MTIF2: variants seen among roughly 807,000 people sequenced by gnomAD.
The protein encoded by MTIF2 is mitochondrial translational initiation factor 2.
MTIF2 carries 71 observed loss-of-function variants against 83.5 expected under a neutral mutation model. The observed-to-expected ratio is 0.85, with a 90% CI of 0.70 to 1.04. The LOEUF is 1.04. Among genes scored for constraint, MTIF2 ranks in the 50% least tolerant of loss-of-function variants. The pLI is 0.00. For synonymous variants in MTIF2, 319 were observed against 287.1 expected, an observed-to-expected ratio of 1.11 and a Z score of -1.12; for missense variants, 957 against 846.5, an observed-to-expected ratio of 1.13 and a Z score of -1.62.
At chr2:55,256,990 C>T (rs1012633443) in intron 5 of MTIF2, among the ~76,000 whole-genome samples, 2 of 152,116 alleles carry the variant, frequency 1.3e-5, no homozygotes, top group African/African-American at 2.4e-5. Flanking sequence ...AGCTACTGCA[C>T]CCAAACCAAA....
In MTIF2 at chr2:55,244,075, C is replaced by A; in HGVS notation, c.1265G>T (p.Arg422Ile). ...TTCTTCTCCTGCAGAAGGAAGGTCT[C>A]TCCAGCCTGTAATTCCCACTGGCAT... is the stretch of plus-strand genomic sequence containing the variant. The part of the protein sequence containing the change: ...PSMPVGITGW[R>I]DLPSAGEEIL... Residue 422 changes from arginine (R) to isoleucine (I), a missense_variant, in exon 11 of 16, where the codon AGA becomes ATA. By Grantham distance (97) the Arg-to-Ile change is moderately conservative (BLOSUM62 -3). Around this residue, in one of 3 missense-constraint regions of MTIF2, gnomAD observed 733 missense variants for 648.7 expected, o/e 1.13. Transcript: ENST00000263629. 1 of 1,614,132 alleles carries A rather than the reference C, an allele frequency of 6.2e-7. No individual in the cohort carries two copies. Among genetic ancestry groups the A allele is most frequent in the Non-Finnish European group, 8.5e-7 (1 of 1,180,008 alleles).
At chr2:55,237,160 C>CTATTGA (rs1268504764) in intron 15 of MTIF2, 128 bp downstream of exon 15, 2 of 1,098,852 alleles carry the variant, frequency 1.8e-6, no homozygotes, top group African/African-American at 3.2e-5. Context: ...TTAGGGGTTT[C>CTATTGA]AATAGCAATA....
intron 14 of MTIF2, 110 bp from the exon 15 acceptor site, chr2:55,237,538 C>A: frequency 9.8e-7 from 1 of 1,025,226 alleles, no homozygotes. Context: ...AATCCAAATT[C>A]ATGCCTAGAA....
intron 9 of MTIF2, 74 bp from the exon 10 acceptor site, chr2:55,246,535 G>A (rs193081445): frequency 7.8e-7 from 1 of 1,285,476 alleles, no homozygotes; most frequent in Non-Finnish European, 1.1e-6. Context: ...GGGACAGAAA[G>A]TCACATAATA....
rs150851589 is a variant in MTIF2, at chr2:55,255,496, T to TTA, written c.332-673_332-672dup. Among the ~76,000 whole-genome samples the TTA allele has an allele frequency of 2.0e-3, 291 of 145,672 alleles. 1 individual carries two copies. The highest frequency in any genetic ancestry group is 2.2e-3 in the Admixed American group (32 of 14,266). On this transcript the variant is annotated intron_variant, in intron 5 of 15. Coordinates refer to ENST00000263629, the MANE Select transcript of MTIF2 (RefSeq NM_002453.3). ...AAATATTTATATATAAATACATATA[T>TTA]TATATATATATATATTTGATTCATT...
intron 3 of MTIF2, among the ~76,000 whole-genome samples, chr2:55,265,236 T>C (rs1466801007): frequency 6.9e-6 from 1 of 144,352 alleles, no homozygotes; most frequent in Non-Finnish European, 1.5e-5. Flanking sequence ...AGAACAAAAC[T>C]CTGTCTTGAA....
intron 4 of MTIF2, 104 bp from the exon 5 acceptor site, chr2:55,262,531 CTTTTTTT>C: frequency 9.1e-6 from 3 of 327,968 alleles, no homozygotes. Flanking sequence ...ACATTTCTTT[CTTTTTTT>C]TTCTTTTTTT....
At chr2:55,249,227 C>T (rs1317704513) in intron 9 of MTIF2, among the ~76,000 whole-genome samples, 168 bp downstream of exon 9, 1 of 152,186 alleles carries the variant, frequency 6.6e-6, no homozygotes, top group African/African-American at 2.4e-5. Flanking sequence ...CTGAGCCTAA[C>T]TCCTAACATG....
At chr2:55,262,541 C>CCTT (rs1678095578) in intron 4 of MTIF2, 114 bp from the exon 5 acceptor site, 5 of 285,182 alleles carry the variant, frequency 1.8e-5, no homozygotes, top group African/African-American at 1.3e-4. Flanking sequence ...CTTTTTTTTT[C>CCTT]TTTTTTTTTT....
Position 55,236,670 on chromosome 2 carries a change from G to C in MTIF2, c.2162C>G (p.Thr721Ser), listed in dbSNP as rs765483422. 17 of 1,596,036 alleles carry C rather than the reference G, an allele frequency of 1.1e-5. No individual in the cohort carries two copies. Among genetic ancestry groups the C allele is most frequent in the Non-Finnish European group, 1.4e-5 (16 of 1,175,166 alleles). Residue 721 changes from threonine to serine, a missense_variant, in exon 16 of 16, where the codon ACT becomes AGT. Transcript: ENST00000263629. ...CYEEKQIQAK[T>S]SWDPGF ...ATTTTAAAATCCTGGATCCCAAGAA[G>C]TCTTGGCTTGAATTTGCTTTTCTTC...
chr2:55,258,866 G>C (rs1677745206), intron 5 of MTIF2, among the ~76,000 whole-genome samples: 1 of 150,612 alleles, frequency 6.6e-6, no homozygotes, highest in African/African-American at 2.4e-5. Context: ...TGTAATCCCA[G>C]CTATTCAGGA....
At chr2:55,269,031 T>A (rs1338861012) in intron 1 of MTIF2, 138 bp downstream of exon 1, 1 of 152,174 alleles carries the variant, frequency 6.6e-6, no homozygotes, top group Non-Finnish European at 1.5e-5. Flanking sequence ...AGGGATTAAA[T>A]GCATCTTGGA....
chr2:55,257,207 C>T (rs1006859457), intron 5 of MTIF2, among the ~76,000 whole-genome samples: 4 of 152,058 alleles, frequency 2.6e-5, no homozygotes, highest in South Asian at 2.1e-4. Flanking sequence ...CAGCCGGGTG[C>T]GGTGGCTCAC....
intron 5 of MTIF2, among the ~76,000 whole-genome samples, chr2:55,257,246 G>T (rs748212242): frequency 6.6e-6 from 1 of 152,134 alleles, no homozygotes; most frequent in Non-Finnish European, 1.5e-5. Context: ...TTGGGAGGCC[G>T]AGGTGGGCAG....
chr2:55,243,969 T>A, intron 11 of MTIF2, 60 bp downstream of exon 11: 1 of 1,359,362 alleles, frequency 7.4e-7, no homozygotes. Flanking sequence ...TATAACATTG[T>A]AAACTGGCAT....
intron 8 of MTIF2, among the ~76,000 whole-genome samples, chr2:55,250,611 C>T (rs534651137): frequency 6.6e-6 from 1 of 152,212 alleles, no homozygotes; most frequent in African/African-American, 2.4e-5. Flanking sequence ...ACCTAGTAGG[C>T]TCTCAATAAA....
intron 5 of MTIF2, 43 bp from the exon 6 acceptor site, chr2:55,254,868 T>C (rs1356437417): frequency 7.8e-7 from 1 of 1,274,512 alleles, no homozygotes; most frequent in Non-Finnish European, 1.0e-6. Context: ...ATTAATTAAA[T>C]GCTCAAGAAG....
intron 5 of MTIF2, among the ~76,000 whole-genome samples, chr2:55,261,209 C>T (rs1217049750): frequency 2.0e-5 from 3 of 152,022 alleles, no homozygotes; most frequent in Non-Finnish European, 2.9e-5. Context: ...AGGATGGTCT[C>T]GATCTCCTGA....
chr2:55,260,323 C>T (rs976026726), intron 5 of MTIF2, among the ~76,000 whole-genome samples: 9 of 151,570 alleles, frequency 5.9e-5, no homozygotes, highest in Non-Finnish European at 1.3e-4. Flanking sequence ...TTGCTTGAAC[C>T]CAGGAGGCAG....
Sources: gnomAD v4.1 joint callset for allele counts (sites outside exome capture counted in the v4.1 genomes callset) on GRCh38, gnomAD v4.1.1 for gene constraint, gnomAD v4.1.1 regional missense constraint, MANE v1.5 for transcripts, NCBI Gene and HGNC (gene_info 2026-07-23, HGNC 2026-07-21) for gene names.